Variants in GRM5 observed in about 807,000 individuals in gnomAD.
GRM5 encodes metabotropic glutamate receptor 5.
Under a neutral mutation model 83.1 loss-of-function variants are expected in GRM5, and 19 were observed. The observed-to-expected ratio is 0.23, with a 90% confidence interval of 0.16 to 0.34. The LOEUF (loss-of-function observed/expected upper bound fraction) is 0.34. Among genes scored for constraint, GRM5 ranks in the 10% least tolerant of loss-of-function variants. The pLI is 1.00. For missense variants in GRM5, 1,160 were observed against 1,588.3 expected (o/e 0.73, Z 4.58); for synonymous variants, 675 against 633.6 (o/e 1.07, Z -0.98).
chr11:88,512,615 A>G (rs1941407392), intron 9 of GRM5, among the ~76,000 whole-genome samples: 2 of 152,158 alleles, frequency 1.3e-5, no homozygotes, highest in South Asian at 4.1e-4. Context: ...TAGAATAGAG[A>G]TCCTAAAATC....
At chr11:88,876,973 C>T (rs1313934922) in intron 2 of GRM5, among the ~76,000 whole-genome samples, 1 of 151,958 alleles carries the variant, frequency 6.6e-6, no homozygotes, top group East Asian at 1.9e-4. Context: ...CACCTAAGGC[C>T]TAATAATGCA....
rs1194098388 is a variant in GRM5 at position 88,570,571 on chromosome 11, A to ATTTTTTTT, written c.1691-2587_1691-2580dup. Among the ~76,000 whole-genome samples the ATTTTTTTT allele has an allele frequency of 7.3e-4, 34 of 46,370 alleles. 2 individuals carry two copies. The highest frequency in any genetic ancestry group is 2.7e-3 in the African/African-American group (20 of 7,480). 30.4% of individuals were successfully genotyped at this position (46,370 alleles called of 152,430 possible). A position where few individuals can be genotyped will look rare whatever the true frequency, so the allele number is the denominator to read the frequency against. Reference sequence around the variant, plus strand: ...TAATAATATATATATATATATATATATTTTTTTTTTTTTTTTTTTTTTTTT... The same window carrying ATTTTTTTT: ...TAATAATATATATATATATATATATATTTTTTTTTTTTTTTTTTTTTTTTTTTTTTTTT... On this transcript the variant is annotated intron_variant, in intron 7 of 9. Transcript: ENST00000305447.
In GRM5 at chr11:89,042,249, A is replaced by G. The variant is rs186842001; in HGVS notation, c.661+4963T>C. 1.4e-3 allele frequency among the ~76,000 whole-genome samples: 217 copies of G among 152,264 alleles called. 1 individual carries two copies. The Middle Eastern group carries it at 0.02, about 14-fold the overall frequency. On this transcript the variant is annotated intron_variant, in intron 2 of 9. Transcript: ENST00000305447. Reference sequence around the variant, plus strand: ...CACTTTCAGCCAATTGTTTAGAAATATTGGTGCCACTGAGATAAAGGGAGA... The same window carrying G: ...CACTTTCAGCCAATTGTTTAGAAATGTTGGTGCCACTGAGATAAAGGGAGA...
rs552493964 is a variant in GRM5 at position 88,880,609 on chromosome 11, T to C, written c.662-30454A>G. ...TTTAAAGTTATTTCTGAGCAAGAACTTGGTAGGAGGTCTCCTGACCCTGGT... is the reference window on the plus strand; with the variant it reads ...TTTAAAGTTATTTCTGAGCAAGAACCTGGTAGGAGGTCTCCTGACCCTGGT... On this transcript the variant is annotated intron_variant, in intron 2 of 9. Transcript: ENST00000305447. Among the ~76,000 whole-genome samples, 17 of 152,288 alleles carry C rather than the reference T, an allele frequency of 1.1e-4. No homozygotes were observed. In the South Asian group the frequency reaches 2.5e-3, roughly 22 times the overall value.
At chr11:88,935,528 A>G (rs1391836880) in intron 2 of GRM5, among the ~76,000 whole-genome samples, 1 of 151,846 alleles carries the variant, frequency 6.6e-6, no homozygotes, top group African/African-American at 2.4e-5. Flanking sequence ...AATATGAGCA[A>G]CTGTGATTCT....
chr11:88,584,150 G>A (rs1943266112), intron 7 of GRM5, among the ~76,000 whole-genome samples: 2 of 149,916 alleles, frequency 1.3e-5, no homozygotes, highest in South Asian at 4.2e-4. Flanking sequence ...TATATGGTAT[G>A]GAACAAATAA....
intron 1 of GRM5, among the ~76,000 whole-genome samples, chr11:89,060,285 T>C (rs1942482): frequency 0.25 from 20,377 of 80,678 alleles, 1,455 homozygotes; most frequent in Middle Eastern, 0.38. Flanking sequence ...TATATATATA[T>C]ACACACACAC....
rs116962889 is a variant in GRM5, at chr11:88,598,115, T to C, written c.1395-763A>G. On this transcript the variant is annotated intron_variant, in intron 5 of 9. Transcript: ENST00000305447. ...GGATATTGGATAAGCAATATCACCA[T>C]TATCTCAGTTTCTACAGGTATGTCT... Among the ~76,000 whole-genome samples, 1,470 of 152,242 alleles carry C rather than the reference T, an allele frequency of 9.7e-3. 17 individuals are homozygous for C. Among genetic ancestry groups the C allele is most frequent in the East Asian group, 0.066 (341 of 5,188 alleles).
intron 3 of GRM5, among the ~76,000 whole-genome samples, chr11:88,693,294 C>T (rs886988466): frequency 3.9e-5 from 6 of 151,974 alleles, no homozygotes; most frequent in Non-Finnish European, 7.4e-5. Context: ...GTACAATTTT[C>T]CACTAATATA....
intron 7 of GRM5, among the ~76,000 whole-genome samples, chr11:88,577,757 G>C (rs905830951): frequency 4.1e-4 from 62 of 152,078 alleles, no homozygotes; most frequent in African/African-American, 1.4e-3. Flanking sequence ...AAATGTAAAG[G>C]AAACAGCCAA....
intron 3 of GRM5, among the ~76,000 whole-genome samples, chr11:88,836,717 C>T (rs1194245063): frequency 1.3e-5 from 2 of 152,114 alleles, no homozygotes; most frequent in Admixed American, 1.3e-4. Context: ...ATCGCTTGAA[C>T]TCAGGAGACA....
intron 3 of GRM5, among the ~76,000 whole-genome samples, chr11:88,660,817 T>A (rs1939886057): frequency 6.6e-6 from 1 of 152,196 alleles, no homozygotes; most frequent in East Asian, 1.9e-4. Flanking sequence ...CTATTCCCTC[T>A]GCACAGAGTG....
chr11:88,974,674 T>G (rs559567019), intron 2 of GRM5, among the ~76,000 whole-genome samples: 10 of 152,148 alleles, frequency 6.6e-5, no homozygotes, highest in Middle Eastern at 3.2e-3. Flanking sequence ...CATTCTATCA[T>G]GATTTTTTGT....
At chr11:88,935,427 G>T (rs1032298959) in intron 2 of GRM5, among the ~76,000 whole-genome samples, 1 of 151,818 alleles carries the variant, frequency 6.6e-6, no homozygotes, top group Non-Finnish European at 1.5e-5. Flanking sequence ...TGCATATAAG[G>T]AAATGAGGCT....
At chr11:89,039,554 A>T (rs553026193) in intron 2 of GRM5, among the ~76,000 whole-genome samples, 27 of 152,292 alleles carry the variant, frequency 1.8e-4, no homozygotes, top group Non-Finnish European at 3.1e-4. Flanking sequence ...AAAATTTTTT[A>T]AATTAAACCA....
chr11:88,602,476 C>A (rs1386217314), intron 5 of GRM5, among the ~76,000 whole-genome samples: 1 of 152,170 alleles, frequency 6.6e-6, no homozygotes, highest in Admixed American at 6.5e-5. Flanking sequence ...GGATCCTCCA[C>A]TTTTAACTCT....
intron 1 of GRM5, among the ~76,000 whole-genome samples, chr11:89,055,957 AT>A (rs1414877925): frequency 6.6e-6 from 1 of 152,156 alleles, no homozygotes; most frequent in Non-Finnish European, 1.5e-5. Context: ...CTTGGCCCAG[AT>A]TCCCAAGCAA....
chr11:88,649,493 T>C, intron 4 of GRM5, among the ~76,000 whole-genome samples: 1 of 144,832 alleles, frequency 6.9e-6, no homozygotes, highest in East Asian at 2.0e-4. Flanking sequence ...ATATATTACA[T>C]ATATATTATA....
At chr11:88,565,942 A>G (rs1281459778) in intron 8 of GRM5, among the ~76,000 whole-genome samples, 1 of 152,230 alleles carries the variant, frequency 6.6e-6, no homozygotes, top group Non-Finnish European at 1.5e-5. Flanking sequence ...CTTTACCATC[A>G]TAATAAGTCA....
Sources: gnomAD v4.1 joint callset for allele counts (sites outside exome capture counted in the v4.1 genomes callset) on GRCh38, gnomAD v4.1.1 for gene constraint, MANE v1.5 for transcripts, NCBI Gene and HGNC (gene_info 2026-07-23, HGNC 2026-07-21) for gene names.